RYR3: variants seen among roughly 807,000 people sequenced by gnomAD.
RYR3 encodes the protein ryanodine receptor 3, also known as brain ryanodine receptor-calcium release channel.
Under a neutral mutation model 584.3 loss-of-function variants are expected in RYR3, and 207 were observed. That is an observed-to-expected ratio of 0.35 (90% CI 0.32 to 0.40). The LOEUF (loss-of-function observed/expected upper bound fraction) is 0.40. Ranked by LOEUF, RYR3 falls within the 10% of genes least tolerant of loss-of-function variation. RYR3 has a pLI of 1.00. For synonymous variants in RYR3, 2,416 were observed against 2,248.5 expected, an observed-to-expected ratio of 1.07 and a Z score of -2.11; for missense variants, 5,616 against 6,089.2, an observed-to-expected ratio of 0.92 and a Z score of 2.59.
At chr15:33,788,507 T>G in intron 67 of RYR3, 49 bp downstream of exon 67, 3 of 1,595,346 alleles carry the variant, frequency 1.9e-6, no homozygotes, top group Non-Finnish European at 1.7e-6. Flanking sequence ...TGGGGCTAGT[T>G]TAGGCAACAG....
chr15:33,427,349 C>A (rs1444915906), intron 1 of RYR3, among the ~76,000 whole-genome samples: 1 of 152,090 alleles, frequency 6.6e-6, no homozygotes, highest in East Asian at 1.9e-4. Flanking sequence ...TAGTGTGCAC[C>A]TATAGTCCCA....
intron 10 of RYR3, among the ~76,000 whole-genome samples, chr15:33,559,398 AG>A (rs2057282700): frequency 6.6e-6 from 1 of 152,220 alleles, no homozygotes; most frequent in Non-Finnish European, 1.5e-5. Context: ...TTATACTCAC[AG>A]GTCCTAGCAA....
rs146800803 is a variant in RYR3, at chr15:33,802,608, C to G, written c.10011+647C>G. On this transcript the variant is annotated intron_variant, in intron 69 of 103. Coordinates refer to ENST00000634891, the MANE Select transcript of RYR3 (RefSeq NM_001036.6). The stretch of plus-strand genomic sequence containing the variant: ...GGGGCACAAGTTAGCCTCCCACCTC[C>G]TCTTGCGTCGGCTCTGCACGCTGAG... Among the ~76,000 whole-genome samples, 6 of 152,304 alleles carry G rather than the reference C, an allele frequency of 3.9e-5. No individual in the cohort carries two copies. In the East Asian group the frequency reaches 1.2e-3, roughly 29 times the overall value.
chr15:33,732,120 G>A (rs1473870671), intron 48 of RYR3, among the ~76,000 whole-genome samples: 3 of 151,928 alleles, frequency 2.0e-5, no homozygotes, highest in Non-Finnish European at 2.9e-5. Flanking sequence ...GGTGGCTCAC[G>A]CCTGTCATCC....
chr15:33,727,111 T>C (rs777957981), intron 46 of RYR3, among the ~76,000 whole-genome samples: 2 of 152,302 alleles, frequency 1.3e-5, no homozygotes, highest in Non-Finnish European at 2.9e-5. Flanking sequence ...CCCCAGCTTG[T>C]GTAGGCAGTT....
intron 98 of RYR3, among the ~76,000 whole-genome samples, chr15:33,855,365 G>A (rs2079544756): frequency 6.6e-6 from 1 of 152,122 alleles, no homozygotes. Flanking sequence ...CACCATGCCC[G>A]GCTAATTTTT....
At chr15:33,795,695 AT>A (rs1254949551) in intron 67 of RYR3, among the ~76,000 whole-genome samples, 1 of 151,616 alleles carries the variant, frequency 6.6e-6, no homozygotes, top group Non-Finnish European at 1.5e-5. Flanking sequence ...CGCCTGGCTA[AT>A]TTTTTTGTAT....
At chr15:33,695,039 G>A (rs377607664) in intron 38 of RYR3, among the ~76,000 whole-genome samples, 29 of 152,276 alleles carry the variant, frequency 1.9e-4, no homozygotes, top group Non-Finnish European at 3.4e-4. Context: ...GAGATGCCAC[G>A]GGCTACCAGA....
At position 33,390,890 on chromosome 15, in the gene RYR3, T is replaced by C. The variant is rs150938403; in HGVS notation, c.51+79794T>C. ...CTTTCAGTTGCTGGAGAAAGGAACA[T>C]GCTCAGTTGTGTCCCATCACAGGAG... is the stretch of plus-strand genomic sequence containing the variant. On this transcript the variant is annotated intron_variant, in intron 1 of 103. Transcript: ENST00000634891. The surrounding 1 kb of genome is among the most constrained non-coding windows in gnomAD (Gnocchi z 4.2). Among the ~76,000 whole-genome samples the C allele has an allele frequency of 2.0e-5, 3 of 152,286 alleles. No individual in the cohort carries two copies. Among genetic ancestry groups the C allele is most frequent in the Admixed American group, 6.5e-5 (1 of 15,292 alleles).
At chr15:33,362,799 G>A (rs1356719044) in intron 1 of RYR3, among the ~76,000 whole-genome samples, 1 of 152,154 alleles carries the variant, frequency 6.6e-6, no homozygotes, top group African/African-American at 2.4e-5. Flanking sequence ...AAACACAAGA[G>A]TCATCCTCTC....
intron 57 of RYR3, among the ~76,000 whole-genome samples, chr15:33,750,522 A>C (rs543695693): frequency 6.6e-6 from 1 of 152,354 alleles, no homozygotes; most frequent in South Asian, 2.1e-4. Flanking sequence ...CATACCTTAA[A>C]CATTTCATTG....
At chr15:33,764,316 C>T (rs2072803842) in intron 60 of RYR3, among the ~76,000 whole-genome samples, 1 of 151,740 alleles carries the variant, frequency 6.6e-6, no homozygotes, top group Non-Finnish European at 1.5e-5. Context: ...TCTCAGCAAA[C>T]TAACACAGGA....
intron 62 of RYR3, among the ~76,000 whole-genome samples, chr15:33,770,030 T>C (rs2073437338): frequency 6.6e-6 from 1 of 151,886 alleles, no homozygotes; most frequent in African/African-American, 2.4e-5. Context: ...AGAAGGGTCC[T>C]TGTCAGAGCC....
At chr15:33,633,152 T>C (rs539496159) in intron 24 of RYR3, 44 bp downstream of exon 24, 3 of 1,601,310 alleles carry the variant, frequency 1.9e-6, no homozygotes, top group African/African-American at 1.3e-5. Flanking sequence ...TTAGAAGATA[T>C]GATCATCCAC....
chr15:33,451,669 C>G (rs758385891), intron 1 of RYR3, among the ~76,000 whole-genome samples: 27 of 152,152 alleles, frequency 1.8e-4, no homozygotes, highest in Non-Finnish European at 1.0e-4. Flanking sequence ...AGACAGGAGT[C>G]AAGTCCAGAG....
chr15:33,820,652 C>T (rs1037636946), intron 77 of RYR3, 104 bp from the exon 78 acceptor site: 4 of 968,364 alleles, frequency 4.1e-6, no homozygotes, highest in East Asian at 5.3e-5. Flanking sequence ...TCCTGAGGTG[C>T]CTGTGAATTA....
chr15:33,415,093 A>G (rs1196328067), intron 1 of RYR3, among the ~76,000 whole-genome samples: 1 of 152,216 alleles, frequency 6.6e-6, no homozygotes, highest in Non-Finnish European at 1.5e-5. Context: ...TGTGTTAAGT[A>G]TAAGAGGCAT....
At chr15:33,425,738 T>C (rs1180857544) in intron 1 of RYR3, among the ~76,000 whole-genome samples, 1 of 148,046 alleles carries the variant, frequency 6.8e-6, no homozygotes, top group Non-Finnish European at 1.5e-5. Flanking sequence ...GCCTCCCGGG[T>C]TCATGCCATT....
intron 1 of RYR3, among the ~76,000 whole-genome samples, chr15:33,438,536 C>T (rs2045932100): frequency 6.6e-6 from 1 of 152,078 alleles, no homozygotes; most frequent in South Asian, 2.1e-4. Flanking sequence ...TTTTCTTCAA[C>T]TGTCTCAGCT....
Sources: allele counts gnomAD v4.1 joint callset (sites outside exome capture counted in the v4.1 genomes callset), GRCh38; gene constraint gnomAD v4.1.1; non-coding constraint Gnocchi (gnomAD v3.1); transcripts MANE v1.5; gene names NCBI Gene and HGNC (gene_info 2026-07-23, HGNC 2026-07-21).